Variants in ATL2 observed in about 807,000 individuals in gnomAD.
ATL2 encodes the protein atlastin GTPase 2, also known as atlastin-2.
Under a neutral mutation model 73.9 loss-of-function variants are expected in ATL2, and 31 were observed. The observed-to-expected ratio is 0.42, with a 90% CI of 0.32 to 0.57. The LOEUF (loss-of-function observed/expected upper bound fraction) is 0.57, where lower values mean the gene tolerates loss of function less well. Ranked by LOEUF, ATL2 falls within the 20% of genes least tolerant of loss-of-function variation. ATL2 has a pLI of 0.14. For synonymous variants in ATL2, 291 were observed against 237.5 expected (o/e 1.23, Z -2.07); for missense variants, 738 against 702.6 (o/e 1.05, Z -0.57).
intron 1 of ATL2, among the ~76,000 whole-genome samples, chr2:38,373,086 T>C (rs1671774792): frequency 6.6e-6 from 1 of 152,170 alleles, no homozygotes; most frequent in East Asian, 1.9e-4. Context: ...CTATCATCTG[T>C]TTCCCACGAC....
At chr2:38,351,633 A>G (rs1421693410) in intron 1 of ATL2, among the ~76,000 whole-genome samples, 3 of 151,964 alleles carry the variant, frequency 2.0e-5, no homozygotes. Context: ...AGCTGGGACA[A>G]CAGGCACCTG....
chr2:38,328,716 T>C lies in ATL2; in HGVS notation c.364-9697A>G, dbSNP rs532008239. ...AATTTATAGCATTAGATGCATACAG[T>C]AGGAAAGAAAATAAGATCTAAAACC... is the stretch of plus-strand genomic sequence containing the variant. On this transcript the variant is annotated intron_variant, in intron 2 of 12. Coordinates refer to ENST00000378954, the MANE Select transcript of ATL2 (RefSeq NM_001135673.4). Among the ~76,000 whole-genome samples the C allele has an allele frequency of 2.6e-5, 4 of 152,154 alleles. No individual in the cohort carries two copies. The East Asian group carries it at 5.8e-4, about 22-fold the overall frequency.
In ATL2 at chr2:38,360,259, C is replaced by CTTTTTTTTT. The variant is rs566192942; in HGVS notation, c.119-16756_119-16748dup. ...AGAATAAGCGATGGCTCAGGGGATT[C>CTTTTTTTTT]TTTTTTTTTTTTTTAAGATTTTGGG... On this transcript the variant is annotated intron_variant, in intron 1 of 12. Transcript: ENST00000378954. Among the ~76,000 whole-genome samples, 68 of 135,400 alleles carry CTTTTTTTTT rather than the reference C, an allele frequency of 5.0e-4. 4 individuals carry two copies. The Middle Eastern group carries it at 0.011, about 23-fold the overall frequency. 88.8% of individuals were successfully genotyped at this position (135,400 alleles called of 152,430 possible). A position where few individuals can be genotyped will look rare whatever the true frequency, so the allele number is the denominator to read the frequency against.
At chr2:38,311,296 G>T (rs1667744669) in intron 7 of ATL2, among the ~76,000 whole-genome samples, 1 of 151,828 alleles carries the variant, frequency 6.6e-6, no homozygotes, top group Non-Finnish European at 1.5e-5. Context: ...TTTTGAGAAG[G>T]GAAACTGCCA....
intron 1 of ATL2, among the ~76,000 whole-genome samples, chr2:38,360,600 C>T (rs935658072): frequency 1.3e-5 from 2 of 152,056 alleles, no homozygotes; most frequent in African/African-American, 4.8e-5. Context: ...ACTCTATAAT[C>T]AACAAGACAG....
chr2:38,316,895 A>G (rs1573463780), intron 4 of ATL2, among the ~76,000 whole-genome samples: 1 of 152,100 alleles, frequency 6.6e-6, no homozygotes, highest in East Asian at 1.9e-4. Flanking sequence ...GCTTGCTTCA[A>G]GGGAATCACA....
intron 6 of ATL2, among the ~76,000 whole-genome samples, chr2:38,313,683 A>ACTGCTG (rs1558398645): frequency 6.7e-6 from 1 of 149,696 alleles, no homozygotes; most frequent in Non-Finnish European, 1.5e-5. Context: ...AGATTTCTCA[A>ACTGCTG]ATGCTGACAT....
intron 1 of ATL2, among the ~76,000 whole-genome samples, chr2:38,375,478 T>C (rs1573612479): frequency 6.6e-6 from 1 of 152,170 alleles, no homozygotes; most frequent in Admixed American, 6.5e-5. Flanking sequence ...TGGTGGGCCC[T>C]ATTTCAACAA....
intron 4 of ATL2, among the ~76,000 whole-genome samples, chr2:38,315,947 T>G (rs551852437): frequency 6.6e-6 from 1 of 152,310 alleles, no homozygotes; most frequent in South Asian, 2.1e-4. Context: ...TTTCCAGAAT[T>G]TTTTGGAGGA....
Position 38,310,456 on chromosome 2 carries a change from GGAGA to G in ATL2, c.805-13_805-10del. The G allele has an allele frequency of 6.3e-7, 1 of 1,579,178 alleles. No individual in the cohort carries two copies. Among genetic ancestry groups the G allele is most frequent in the African/African-American group, 1.4e-5 (1 of 72,878 alleles). On this transcript the variant is annotated splice_polypyrimidine_tract_variant and intron_variant, in intron 7 of 12. Transcript: ENST00000378954. Reference sequence around the variant, plus strand: ...TGTTGATTTTGTTTTACCTGAGGGCGGAGAGAGACAGGTGAAATTGTAAACAGAA... The same window carrying G: ...TGTTGATTTTGTTTTACCTGAGGGCGGAGACAGGTGAAATTGTAAACAGAA...
chr2:38,374,464 T>C (rs1412044180), intron 1 of ATL2, among the ~76,000 whole-genome samples: 1 of 152,230 alleles, frequency 6.6e-6, no homozygotes, highest in African/African-American at 2.4e-5. Flanking sequence ...AGAAGAAAGC[T>C]GCTTCCCTGC....
chr2:38,344,834 C>T (rs754832737), intron 1 of ATL2, among the ~76,000 whole-genome samples: 4 of 152,096 alleles, frequency 2.6e-5, no homozygotes, highest in Admixed American at 6.6e-5. Context: ...ATTTCATCTC[C>T]CACTGGAGCT....
At chr2:38,365,281 G>A (rs1168609978) in intron 1 of ATL2, among the ~76,000 whole-genome samples, 1 of 151,968 alleles carries the variant, frequency 6.6e-6, no homozygotes, top group Non-Finnish European at 1.5e-5. Flanking sequence ...AAAGCTTTAA[G>A]CCAATACTCT....
At position 38,302,421 on chromosome 2, in the gene ATL2, G is replaced by T. The variant is rs575305882; in HGVS notation, c.1072-2093C>A. Among the ~76,000 whole-genome samples the T allele has an allele frequency of 4.8e-4, 73 of 152,270 alleles. 1 individual carries two copies. In the South Asian group the frequency reaches 0.015, roughly 31 times the overall value. On this transcript the variant is annotated intron_variant, in intron 9 of 12. Transcript: ENST00000378954. ...ACCCAAGGCCAGAGGGAACTTGCTA[G>T]ATTTGCCACCTGCTGATTGTAGAAC...
At chr2:38,333,770 C>A (rs377136666) in intron 2 of ATL2, among the ~76,000 whole-genome samples, 1 of 152,076 alleles carries the variant, frequency 6.6e-6, no homozygotes, top group Non-Finnish European at 1.5e-5. Context: ...GGTTCAGGAA[C>A]GTAACCAAGA....
chr2:38,359,973 C>T lies in ATL2; in HGVS notation c.119-16461G>A, dbSNP rs548275815. On this transcript the variant is annotated intron_variant, in intron 1 of 12. Transcript: ENST00000378954. ...TGAAACCCCGTCTCTACTAAAAATA[C>T]CAAAAAAATAGCTGGGCGTGGTGGC... Among the ~76,000 whole-genome samples the T allele has an allele frequency of 7.3e-5, 11 of 151,458 alleles. No individual in the cohort carries two copies. The South Asian group carries it at 2.3e-3, about 32-fold the overall frequency.
intron 9 of ATL2, among the ~76,000 whole-genome samples, chr2:38,306,844 G>A (rs1667473339): frequency 6.6e-6 from 1 of 151,968 alleles, no homozygotes; most frequent in African/African-American, 2.4e-5. Context: ...AACAAAACAA[G>A]GATACCCACT....
chr2:38,360,135 A>G (rs866420419), intron 1 of ATL2, among the ~76,000 whole-genome samples: 2,619 of 129,528 alleles, frequency 0.02, 76 homozygotes, highest in South Asian at 0.14. Flanking sequence ...TTTCAAAAAA[A>G]AAAAAAAAAA....
intron 1 of ATL2, among the ~76,000 whole-genome samples, chr2:38,352,039 G>C (rs533105656): frequency 3.3e-5 from 5 of 150,304 alleles, no homozygotes; most frequent in Non-Finnish European, 5.9e-5. Flanking sequence ...TTGAACCCAG[G>C]GGTGGAGGCT....
Sources: gnomAD v4.1 joint callset for allele counts (sites outside exome capture counted in the v4.1 genomes callset) on GRCh38, gnomAD v4.1.1 for gene constraint, MANE v1.5 for transcripts, NCBI Gene and HGNC (gene_info 2026-07-23, HGNC 2026-07-21) for gene names.